Variants in CSMD1 observed in about 807,000 individuals in gnomAD.
The protein encoded by CSMD1 is CUB and Sushi multiple domains 1, also known as CUB and sushi domain-containing protein 1.
A neutral mutation model predicts 417.5 loss-of-function variants in CSMD1; 213 were observed. The ratio of observed to expected loss-of-function variants is 0.51; its 90% confidence interval spans 0.46 to 0.57. The LOEUF (loss-of-function observed/expected upper bound fraction) is 0.57. Ranked by LOEUF, CSMD1 falls within the 20% of genes least tolerant of loss-of-function variation. CSMD1 has a pLI of 0.00. For synonymous variants in CSMD1, 2,862 were observed against 1,736.8 expected (o/e 1.65, Z -16.11); for missense variants, 6,923 against 4,529.7 (o/e 1.53, Z -15.17).
intron 10 of CSMD1, among the ~76,000 whole-genome samples, chr8:3,502,612 G>A (rs763910107): frequency 1.3e-5 from 2 of 152,126 alleles, no homozygotes; most frequent in Non-Finnish European, 2.9e-5. Flanking sequence ...GCCAATTTTA[G>A]AAGGTGACGT....
chr8:3,925,130 A>T (rs189098046), intron 5 of CSMD1, among the ~76,000 whole-genome samples: 1 of 152,198 alleles, frequency 6.6e-6, no homozygotes, highest in African/African-American at 2.4e-5. Flanking sequence ...CCTGAGGCAG[A>T]GCCACCCAGC....
In CSMD1 at chr8:4,991,571, C is replaced by T. The variant is rs549421266; in HGVS notation, c.85+2761G>A. On this transcript the variant is annotated intron_variant, in intron 1 of 69. Coordinates refer to ENST00000635120, the MANE Select transcript of CSMD1 (RefSeq NM_033225.6). ...CGGGCGCGCGCGGCGCAGCTGCCCA[C>T]GGCAGTGGCCGGGCGCCCTCCTGCC... is the stretch of plus-strand genomic sequence containing the variant. 4.5e-4 allele frequency among the ~76,000 whole-genome samples: 68 copies of T among 152,242 alleles called. 2 individuals are homozygous for T. Among genetic ancestry groups the T allele is most frequent in the Admixed American group, 3.0e-3 (46 of 15,300 alleles).
At chr8:4,759,978 G>T (rs369320927) in intron 1 of CSMD1, among the ~76,000 whole-genome samples, 1 of 152,158 alleles carries the variant, frequency 6.6e-6, no homozygotes, top group Non-Finnish European at 1.5e-5. Context: ...GAACTTTGAG[G>T]AATCACCACA....
chr8:4,555,417 G>A (rs1401937879), intron 2 of CSMD1, among the ~76,000 whole-genome samples: 1 of 152,136 alleles, frequency 6.6e-6, no homozygotes, highest in Admixed American at 6.5e-5. Flanking sequence ...CAGGTGCATG[G>A]AGACCAGATT....
chr8:4,033,587 T>C (rs1004129585), intron 3 of CSMD1, among the ~76,000 whole-genome samples: 34 of 152,222 alleles, frequency 2.2e-4, no homozygotes, highest in African/African-American at 8.2e-4. Flanking sequence ...CTACAATGTG[T>C]AAAACTAAGT....
At position 3,929,931 on chromosome 8, in the gene CSMD1, G is replaced by A. The variant is rs1261343682; in HGVS notation, c.818+67972C>T. Among the ~76,000 whole-genome samples, 2 of 149,884 alleles carry A rather than the reference G, an allele frequency of 1.3e-5. 1 individual carries two copies. Among genetic ancestry groups the A allele is most frequent in the Non-Finnish European group, 3.0e-5 (2 of 67,392 alleles). On this transcript the variant is annotated intron_variant, in intron 5 of 69. Coordinates refer to ENST00000635120, the MANE Select transcript of CSMD1 (RefSeq NM_033225.6). ...CCTGCCTCAGCCTCCCAAAGCGCTGGGATTACAGGCCTCATGTGAGACACT... is the reference window on the plus strand; with the variant it reads ...CCTGCCTCAGCCTCCCAAAGCGCTGAGATTACAGGCCTCATGTGAGACACT...
chr8:4,346,453 C>G (rs1374079682), intron 3 of CSMD1, among the ~76,000 whole-genome samples: 1 of 152,116 alleles, frequency 6.6e-6, no homozygotes, highest in Non-Finnish European at 1.5e-5. Context: ...TAAAGCAAGG[C>G]TTGCCGATCC....
At chr8:4,388,422 A>T (rs571782877) in intron 3 of CSMD1, among the ~76,000 whole-genome samples, 1 of 152,176 alleles carries the variant, frequency 6.6e-6, no homozygotes, top group East Asian at 1.9e-4. Flanking sequence ...ATGACATTGG[A>T]GACTATTTTT....
intron 5 of CSMD1, among the ~76,000 whole-genome samples, chr8:3,926,744 T>C (rs1809758353): frequency 8.2e-6 from 1 of 122,542 alleles, no homozygotes; most frequent in African/African-American, 3.2e-5. Flanking sequence ...TTTTATGGAG[T>C]CCCGCTCTGT....
chr8:3,687,593 G>C (rs1408703011), intron 7 of CSMD1, among the ~76,000 whole-genome samples: 3 of 152,134 alleles, frequency 2.0e-5, no homozygotes, highest in Non-Finnish European at 2.9e-5. Flanking sequence ...TGCTCTTGTA[G>C]GGATCTCTTT....
intron 21 of CSMD1, among the ~76,000 whole-genome samples, chr8:3,356,248 G>A (rs1417505616): frequency 6.6e-6 from 1 of 152,184 alleles, no homozygotes; most frequent in East Asian, 1.9e-4. Flanking sequence ...CATGAAGCAT[G>A]GATGAATCAA....
At chr8:3,708,920 G>T (rs1801334816) in intron 6 of CSMD1, among the ~76,000 whole-genome samples, 1 of 152,104 alleles carries the variant, frequency 6.6e-6, no homozygotes, top group African/African-American at 2.4e-5. Flanking sequence ...GCTCATTCAT[G>T]TATTCATATA....
intron 23 of CSMD1, among the ~76,000 whole-genome samples, chr8:3,325,766 G>A (rs540568114): frequency 6.6e-5 from 10 of 152,320 alleles, no homozygotes; most frequent in African/African-American, 2.4e-4. Context: ...AGAGGTTGCA[G>A]TGAGCCGAGA....
intron 3 of CSMD1, among the ~76,000 whole-genome samples, chr8:4,411,581 C>G (rs1490080788): frequency 6.6e-6 from 1 of 152,138 alleles, no homozygotes; most frequent in Non-Finnish European, 1.5e-5. Flanking sequence ...TTGCAATGAG[C>G]TAAATAACAG....
chr8:4,398,569 G>A (rs1804427837), intron 3 of CSMD1, among the ~76,000 whole-genome samples: 1 of 151,426 alleles, frequency 6.6e-6, no homozygotes, highest in Non-Finnish European at 1.5e-5. Flanking sequence ...AAATTTTTTT[G>A]TATTTTTAGT....
At chr8:3,670,545 T>TGCA (rs1183982699) in intron 7 of CSMD1, among the ~76,000 whole-genome samples, 6 of 126,090 alleles carry the variant, frequency 4.8e-5, no homozygotes, top group Non-Finnish European at 8.7e-5. Context: ...CATATACATA[T>TGCA]ATCCCATATA....
At chr8:3,526,093 C>G (rs958637774) in intron 10 of CSMD1, among the ~76,000 whole-genome samples, 3 of 152,198 alleles carry the variant, frequency 2.0e-5, no homozygotes, top group Admixed American at 6.5e-5. Flanking sequence ...GCTGAATTGT[C>G]AATTCAGCTT....
At chr8:4,688,433 G>A (rs1199370662) in intron 1 of CSMD1, among the ~76,000 whole-genome samples, 5 of 152,120 alleles carry the variant, frequency 3.3e-5, no homozygotes, top group African/African-American at 1.2e-4. Context: ...CAAGAAGGGT[G>A]AGCCATCTCC....
At chr8:4,097,554 G>T (rs889488572) in intron 3 of CSMD1, among the ~76,000 whole-genome samples, 5 of 152,170 alleles carry the variant, frequency 3.3e-5, no homozygotes, top group African/African-American at 1.2e-4. Flanking sequence ...CAGAAAGTCA[G>T]AGGACTACTC....
Sources: gnomAD v4.1 joint callset for allele counts (sites outside exome capture counted in the v4.1 genomes callset) on GRCh38, gnomAD v4.1.1 for gene constraint, MANE v1.5 for transcripts, NCBI Gene and HGNC (gene_info 2026-07-23, HGNC 2026-07-21) for gene names.